Variants in IARS1 observed in about 807,000 individuals in gnomAD.
The protein encoded by IARS1 is isoleucyl-tRNA synthetase 1, also known as isoleucine--tRNA ligase, cytoplasmic.
In IARS1, 124 loss-of-function variants were observed where a neutral mutation model predicts 168.2. The observed-to-expected ratio is 0.74, with a 90% CI of 0.64 to 0.86. The LOEUF is 0.86. Among genes scored for constraint, IARS1 ranks in the 40% least tolerant of loss-of-function variants. The pLI is 0.00. For synonymous variants in IARS1, 532 were observed against 529.4 expected (o/e 1.00, Z -0.07); for missense variants, 1,452 against 1,515.8 (o/e 0.96, Z 0.70).
At chr9:92,290,973 T>C (rs1014488625) in intron 1 of IARS1, among the ~76,000 whole-genome samples, 2 of 152,228 alleles carry the variant, frequency 1.3e-5, no homozygotes, top group African/African-American at 4.8e-5. Flanking sequence ...TTTTCCATTT[T>C]ACCCTTTTTA....
At chr9:92,235,969 T>A (rs1827455953) in intron 30 of IARS1, among the ~76,000 whole-genome samples, 1 of 152,144 alleles carries the variant, frequency 6.6e-6, no homozygotes, top group African/African-American at 2.4e-5. Flanking sequence ...ATGTGGAATA[T>A]CTGTTTTCTA....
chr9:92,266,630 A>C (rs923377822), intron 14 of IARS1, among the ~76,000 whole-genome samples: 1 of 152,214 alleles, frequency 6.6e-6, no homozygotes, highest in Non-Finnish European at 1.5e-5. Context: ...CACAGGGTGG[A>C]TCCCTCGTGA....
chr9:92,277,803 C>T (rs540155829), intron 9 of IARS1, 60 bp downstream of exon 9: 8 of 1,418,382 alleles, frequency 5.6e-6, no homozygotes, highest in East Asian at 2.3e-5. Flanking sequence ...TCTCACAACA[C>T]CCCAGCTATC....
At chr9:92,284,890 T>TA (rs1013681640) in intron 6 of IARS1, among the ~76,000 whole-genome samples, 21 of 152,266 alleles carry the variant, frequency 1.4e-4, no homozygotes, top group African/African-American at 4.6e-4. Flanking sequence ...AATATTTTAC[T>TA]AAAAAAATAC....
chr9:92,276,760 T>C (rs2133913196), intron 9 of IARS1, among the ~76,000 whole-genome samples: 1 of 152,358 alleles, frequency 6.6e-6, no homozygotes, highest in Admixed American at 6.5e-5. Context: ...CATTATCTCA[T>C]TTCAAGACCT....
At chr9:92,283,323 G>C (rs1294923009) in intron 6 of IARS1, among the ~76,000 whole-genome samples, 1 of 152,158 alleles carries the variant, frequency 6.6e-6, no homozygotes, top group Admixed American at 6.5e-5. Context: ...CCCAACCTCA[G>C]TATTAGAACT....
intron 31 of IARS1, among the ~76,000 whole-genome samples, 193 bp downstream of exon 31, chr9:92,228,808 A>C (rs1204278407): frequency 6.6e-6 from 1 of 151,586 alleles, no homozygotes; most frequent in Non-Finnish European, 1.5e-5. Flanking sequence ...CATTAAGCCC[A>C]GGGTTTTCAG....
intron 8 of IARS1, 100 bp from the exon 9 acceptor site, chr9:92,278,023 G>A (rs2133922502): frequency 8.2e-7 from 1 of 1,212,390 alleles, no homozygotes; most frequent in African/African-American, 1.5e-5. Context: ...TGGCTTCTTA[G>A]CCCTAGCCAT....
chr9:92,223,621 G>C, intron 31 of IARS1, 132 bp from the exon 32 acceptor site: 1 of 719,542 alleles, frequency 1.4e-6, no homozygotes, highest in Non-Finnish European at 2.2e-6. Flanking sequence ...TTTATCAAGA[G>C]ACATTGCCTT....
chr9:92,286,691 T>C (rs1431934270), intron 4 of IARS1, 73 bp from the exon 5 acceptor site: 2 of 854,490 alleles, frequency 2.3e-6, no homozygotes, highest in East Asian at 2.7e-5. Flanking sequence ...TGTTTATTTC[T>C]GTTGTCATCA....
intron 32 of IARS1, among the ~76,000 whole-genome samples, chr9:92,222,888 T>A (rs1364835147): frequency 6.6e-6 from 1 of 151,596 alleles, no homozygotes; most frequent in Non-Finnish European, 1.5e-5. Context: ...AAAAAACTTA[T>A]ATAAAAGCCC....
In IARS1 at chr9:92,253,848, C is replaced by T. The variant is rs566367823; in HGVS notation, c.2138-395G>A. 383 of 484,206 alleles carry T rather than the reference C, an allele frequency of 7.9e-4. 6 individuals are homozygous for T. The highest frequency in any genetic ancestry group is 5.4e-3 in the South Asian group (359 of 66,002). The allele number at this position is 484,206 out of a possible 1,614,324, so 30.0% of individuals were successfully genotyped here. The stretch of plus-strand genomic sequence containing the variant: ...CTTCTTTCCATTGTATTACACTGTA[C>T]TTCAACTAAAAGACAAAAAGCACAA... On this transcript the variant is annotated intron_variant, in intron 20 of 33. Coordinates refer to ENST00000443024, the MANE Select transcript of IARS1 (RefSeq NM_002161.6).
Position 92,242,159 on chromosome 9 carries a change from T to A in IARS1, c.3172A>T (p.Thr1058Ser). The A allele has an allele frequency of 6.2e-7, 1 of 1,613,310 alleles. No homozygotes were observed. The highest frequency in any genetic ancestry group is 8.5e-7 in the Non-Finnish European group (1 of 1,179,586). Residue 1058 changes from threonine (T) to serine (S), a missense_variant, in exon 29 of 34, where the codon ACA becomes TCA. Thr to Ser is a moderately conservative substitution (Grantham distance 58). Coordinates refer to ENST00000443024, the MANE Select transcript of IARS1 (RefSeq NM_002161.6). ...CAGTGGAACTCAGGACTCACCTGTG[T>A]TTTTTCTTGAATAAGGACTTTATCC... ...PSDKVLIQEK[T>S]QLKGSELEIT...
At chr9:92,240,587 T>A (rs899770841) in intron 30 of IARS1, 3 of 664,158 alleles carry the variant, frequency 4.5e-6, no homozygotes, top group Non-Finnish European at 2.7e-6. Flanking sequence ...TGAGGCAGGA[T>A]CTTATTATGT....
At chr9:92,260,372 T>C (rs1831350088) in intron 17 of IARS1, 138 bp from the exon 18 acceptor site, 2 of 690,696 alleles carry the variant, frequency 2.9e-6, no homozygotes, top group South Asian at 3.3e-5. Context: ...TTAGTGCTAA[T>C]AGGCCGGGCG....
At chr9:92,244,855 C>A (rs1828945594) in intron 27 of IARS1, 104 bp downstream of exon 27, 2 of 844,364 alleles carry the variant, frequency 2.4e-6, no homozygotes, top group Non-Finnish European at 3.8e-6. Flanking sequence ...TTATTTTACC[C>A]TGAGACAAGC....
intron 33 of IARS1, among the ~76,000 whole-genome samples, chr9:92,222,093 G>A (rs1433618165): frequency 1.3e-5 from 2 of 152,038 alleles, no homozygotes; most frequent in African/African-American, 2.4e-5. Context: ...CGAGGTGGGC[G>A]GATCACCTGA....
At chr9:92,215,249 A>G (rs1669397600) in intron 33 of IARS1, among the ~76,000 whole-genome samples, 1 of 152,232 alleles carries the variant, frequency 6.6e-6, no homozygotes, top group East Asian at 1.9e-4. Flanking sequence ...CAGAAAGGAC[A>G]TCCACACCAA....
intron 17 of IARS1, among the ~76,000 whole-genome samples, chr9:92,260,465 G>A (rs1831363256): frequency 6.6e-6 from 1 of 152,096 alleles, no homozygotes; most frequent in African/African-American, 2.4e-5. Flanking sequence ...AGACCAGCCT[G>A]GCCAAAATGG....
Sources: allele counts gnomAD v4.1 joint callset (sites outside exome capture counted in the v4.1 genomes callset), GRCh38; gene constraint gnomAD v4.1.1; transcripts MANE v1.5; gene names NCBI Gene and HGNC (gene_info 2026-07-23, HGNC 2026-07-21).